NCKAP1L: variants seen among roughly 807,000 people sequenced by gnomAD.
The protein encoded by NCKAP1L is nck-associated protein 1-like.
Under a neutral mutation model 139.2 loss-of-function variants are expected in NCKAP1L, and 53 were observed. That is an observed-to-expected ratio of 0.38 (90% CI 0.31 to 0.48). The LOEUF is 0.48. NCKAP1L is among the 20% of genes least tolerant of loss of function. The probability of loss-of-function intolerance (pLI) is 0.98; values close to 1 mark genes in which losing one functional copy is unlikely to be tolerated. For missense variants in NCKAP1L, 1,151 were observed against 1,381.9 expected, an observed-to-expected ratio of 0.83 and a Z score of 2.65; for synonymous variants, 468 against 499.7, an observed-to-expected ratio of 0.94 and a Z score of 0.85.
chr12:54,506,796 A>AAAAAAATATATATATATATAT, intron 3 of NCKAP1L, among the ~76,000 whole-genome samples: 28 of 50,604 alleles, frequency 5.5e-4, no homozygotes, highest in African/African-American at 1.5e-3. Flanking sequence ...AAAAAAAAAA[A>AAAAAAATATATATATATATAT]ATATATATAT....
At chr12:54,529,743 C>T (rs1957053033) in intron 22 of NCKAP1L, among the ~76,000 whole-genome samples, 1 of 152,182 alleles carries the variant, frequency 6.6e-6, no homozygotes, top group South Asian at 2.1e-4. Context: ...CTGATTCCCC[C>T]TTCTACCACC....
intron 13 of NCKAP1L, 67 bp from the exon 14 acceptor site, chr12:54,518,584 T>C: frequency 8.3e-7 from 1 of 1,201,492 alleles, no homozygotes; most frequent in Non-Finnish European, 1.2e-6. Context: ...TGACTGAGCC[T>C]CATGGTCCTA....
At chr12:54,539,089 A>T (rs1957136740) in intron 30 of NCKAP1L, 116 bp downstream of exon 30, 1 of 804,196 alleles carries the variant, frequency 1.2e-6, no homozygotes, top group Middle Eastern at 2.3e-4. Flanking sequence ...TTAACTAAGG[A>T]CTTAACTCTG....
In NCKAP1L at chr12:54,542,513, A is replaced by G. The variant is rs879006734; in HGVS notation, c.3274-62A>G. ...AGGGCCTGGGAACTATGCAAAAGGA[A>G]CAGGGTATCACAGACAAATGCCCTA... is the stretch of plus-strand genomic sequence containing the variant. On this transcript the variant is annotated intron_variant, in intron 30 of 30. Transcript: ENST00000293373. 1.5e-4 allele frequency: 192 copies of G among 1,242,374 alleles called. 1 individual carries two copies. In the South Asian group the frequency reaches 2.1e-3, roughly 14 times the overall value. 77.0% of individuals were successfully genotyped at this position (1,242,374 alleles called of 1,614,324 possible). A position where few individuals can be genotyped will look rare whatever the true frequency, so the allele number is the denominator to read the frequency against.
chr12:54,514,412 G>C (rs2643611), intron 9 of NCKAP1L, among the ~76,000 whole-genome samples: 30,102 of 151,374 alleles, frequency 0.2, 3,181 homozygotes, highest in Admixed American at 0.26. Context: ...ACCTCCACCT[G>C]CCGGGTTCAA....
In NCKAP1L at chr12:54,518,983, G is replaced by C. The variant is rs766750467; in HGVS notation, c.1479+11G>C. ...TGGTTCCGCCTACAGGTAATGATCTGTTCCTGTTAAAGATTCTCATCCTCA... is the reference window on the plus strand; with the variant it reads ...TGGTTCCGCCTACAGGTAATGATCTCTTCCTGTTAAAGATTCTCATCCTCA... On this transcript the variant is annotated intron_variant, in intron 15 of 30. Transcript: ENST00000293373. 1.9e-6 allele frequency: 3 copies of C among 1,609,170 alleles called. No homozygotes were observed. In the South Asian group the frequency reaches 3.3e-5, roughly 18 times the overall value.
chr12:54,531,423 CT>C (rs1957069611), intron 23 of NCKAP1L, 66 bp downstream of exon 23: 1 of 1,605,650 alleles, frequency 6.2e-7, no homozygotes, highest in African/African-American at 1.3e-5. Flanking sequence ...GTATAGGAGA[CT>C]GGGGGGGAAG....
intron 3 of NCKAP1L, among the ~76,000 whole-genome samples, chr12:54,503,323 TATG>T (rs1040045342): frequency 1.9e-4 from 29 of 152,088 alleles, no homozygotes; most frequent in African/African-American, 5.1e-4. Context: ...TAAAAATTAA[TATG>T]ATGTTTTTGA....
At chr12:54,514,506 A>T (rs1169188043) in intron 9 of NCKAP1L, among the ~76,000 whole-genome samples, 1 of 151,998 alleles carries the variant, frequency 6.6e-6, no homozygotes, top group Non-Finnish European at 1.5e-5. Context: ...TATTTTTAGT[A>T]GAGACGGGGT....
chr12:54,532,703 T>C (rs1017081466), intron 26 of NCKAP1L, among the ~76,000 whole-genome samples: 1 of 152,184 alleles, frequency 6.6e-6, no homozygotes, highest in Non-Finnish European at 1.5e-5. Context: ...ATCCTTAAGC[T>C]TTCTGGTTCC....
At chr12:54,540,603 G>GA (rs1350624737) in intron 30 of NCKAP1L, among the ~76,000 whole-genome samples, 1 of 152,240 alleles carries the variant, frequency 6.6e-6, no homozygotes, top group Non-Finnish European at 1.5e-5. Flanking sequence ...TATTATGCGT[G>GA]AAAGTGCCTA....
intron 20 of NCKAP1L, 29 bp from the exon 21 acceptor site, chr12:54,526,499 T>C (rs1258451779): frequency 1.5e-5 from 23 of 1,558,796 alleles, no homozygotes; most frequent in Non-Finnish European, 1.9e-5. Context: ...ATGATTGTAA[T>C]TCTAATTTTT....
chr12:54,518,089 C>A, intron 13 of NCKAP1L, 151 bp downstream of exon 13: 4 of 856,848 alleles, frequency 4.7e-6, no homozygotes, highest in Admixed American at 2.4e-5. Context: ...GTCTGTAATC[C>A]AAGCACTTTG....
intron 30 of NCKAP1L, among the ~76,000 whole-genome samples, chr12:54,542,365 G>A (rs991608497): frequency 2.0e-5 from 3 of 152,270 alleles, no homozygotes; most frequent in East Asian, 1.9e-4. Flanking sequence ...GTCCTGATGA[G>A]GGGGTCAGGG....
chr12:54,522,611 T>C (rs1166179913), intron 18 of NCKAP1L, among the ~76,000 whole-genome samples: 1 of 152,188 alleles, frequency 6.6e-6, no homozygotes, highest in African/African-American at 2.4e-5. Context: ...GTGGACTTGA[T>C]TTTTTTGAAA....
At chr12:54,522,158 G>A (rs956014032) in intron 18 of NCKAP1L, among the ~76,000 whole-genome samples, 1 of 152,094 alleles carries the variant, frequency 6.6e-6, no homozygotes, top group African/African-American at 2.4e-5. Flanking sequence ...CTGCCCTTGG[G>A]GAATGTCCCA....
intron 19 of NCKAP1L, 44 bp downstream of exon 19, chr12:54,523,583 A>G (rs749364839): frequency 6.4e-7 from 1 of 1,572,906 alleles, no homozygotes; most frequent in South Asian, 1.2e-5. Flanking sequence ...ACTGCATCAA[A>G]GAAGGCAGGA....
chr12:54,508,439 C>T lies in NCKAP1L; in HGVS notation c.414C>T (p.Tyr138=), dbSNP rs1377941057. 3.7e-6 allele frequency: 6 copies of T among 1,613,954 alleles called. No homozygotes were observed. The highest frequency in any genetic ancestry group is 5.1e-6 in the Non-Finnish European group (6 of 1,179,788). ...GTTACCTGGACTTGATTGTAACTTACACCTCAGTCATTTTACTTCTGTCAC... is the reference window on the plus strand; with the variant it reads ...GTTACCTGGACTTGATTGTAACTTATACCTCAGTCATTTTACTTCTGTCAC... ...TRSYLDLIVT[Y]TSVILLLSRI... Residue 138 remains tyrosine (Y), a synonymous_variant, in exon 5 of 31, where the codon TAC becomes TAT. Transcript: ENST00000293373.
Position 54,506,796 on chromosome 12 carries a change from A to AAAAAAAATATATATAT in NCKAP1L, c.307-1056_307-1055insAAAAAATATATATATA. ...TTTTGGCAACATATTAAAAAAAAAA[A>AAAAAAAATATATATAT]ATATATATATATATATATATATATA... On this transcript the variant is annotated intron_variant, in intron 3 of 30. Transcript: ENST00000293373. 1.2e-3 allele frequency among the ~76,000 whole-genome samples: 63 copies of AAAAAAAATATATATAT among 50,600 alleles called. 1 individual carries two copies. The highest frequency in any genetic ancestry group is 3.2e-3 in the East Asian group (3 of 932). The allele number at this position is 50,600 out of a possible 152,430, so 33.2% of individuals were successfully genotyped here.
Sources: allele counts gnomAD v4.1 joint callset (sites outside exome capture counted in the v4.1 genomes callset), GRCh38; gene constraint gnomAD v4.1.1; transcripts MANE v1.5; gene names NCBI Gene and HGNC (gene_info 2026-07-23, HGNC 2026-07-21).